Variants in PRCP observed in about 807,000 individuals in gnomAD.
PRCP encodes lysosomal Pro-X carboxypeptidase.
In PRCP, 46 loss-of-function variants were observed where a neutral mutation model predicts 54.2. The ratio of observed to expected loss-of-function variants is 0.85; its 90% CI spans 0.67 to 1.09. The LOEUF is 1.09. Among genes scored for constraint, PRCP ranks in the 50% least tolerant of loss-of-function variants. The pLI is 0.00. For missense variants in PRCP, 613 were observed against 596.8 expected, an observed-to-expected ratio of 1.03 and a Z score of -0.28; for synonymous variants, 240 against 212.2, an observed-to-expected ratio of 1.13 and a Z score of -1.14.
chr11:82,875,482 A>G lies in PRCP; in HGVS notation c.169-15365T>C, dbSNP rs144556704. ...AATTACTCAGTTAAAATCCAACTCAACCTTGAAAGGTAGAAAAGCTGTAAA... is the reference window on the plus strand; with the variant it reads ...AATTACTCAGTTAAAATCCAACTCAGCCTTGAAAGGTAGAAAAGCTGTAAA... On this transcript the variant is annotated intron_variant, in intron 1 of 8. Transcript: ENST00000313010. 8.5e-3 allele frequency among the ~76,000 whole-genome samples: 1,291 copies of G among 152,258 alleles called. 18 individuals are homozygous for G. Among genetic ancestry groups the G allele is most frequent in the African/African-American group, 0.03 (1,237 of 41,536 alleles).
chr11:82,849,241 G>A (rs779776641), intron 5 of PRCP, 23 bp from the exon 6 acceptor site: 1 of 1,610,812 alleles, frequency 6.2e-7, no homozygotes, highest in Non-Finnish European at 8.5e-7. Flanking sequence ...TCACACTGTT[G>A]GAATCTAAAA....
chr11:82,830,654 A>AAAAAAAAAAAAAAAC (rs1358047460), intron 8 of PRCP: 3 of 150,192 alleles, frequency 2.0e-5, no homozygotes, highest in Non-Finnish European at 1.5e-5. Context: ...AAAAAAAAAA[A>AAAAAAAAAAAAAAAC]ACTACACTCC....
chr11:82,844,524 A>G (rs1352619997), intron 6 of PRCP, among the ~76,000 whole-genome samples: 1 of 151,936 alleles, frequency 6.6e-6, no homozygotes, highest in Non-Finnish European at 1.5e-5. Context: ...ATCACCTGAG[A>G]TCAGGAGTTC....
intron 1 of PRCP, among the ~76,000 whole-genome samples, chr11:82,869,374 G>A (rs1859424332): frequency 4.4e-5 from 6 of 135,130 alleles, no homozygotes; most frequent in Admixed American, 7.5e-5. Context: ...AAAAAAAGAA[G>A]AAGAAAAGAA....
chr11:82,860,006 C>T lies in PRCP; in HGVS notation c.280G>A (p.Gly94Arg), dbSNP rs1333123849. 6.3e-7 allele frequency: 1 copy of T among 1,589,586 alleles called. No homozygotes were observed. Among genetic ancestry groups the T allele is most frequent in the Admixed American group, 1.8e-5 (1 of 55,568 alleles). ...GSILFYTGNEGDIIWFCNNTG... is the reference protein window; with the variant it reads ...GSILFYTGNERDIIWFCNNTG... ...TTATTACAAAACCAGATAATGTCCCCTTCATTACCAGTGTAGAAAAGTATT... is the reference window on the plus strand; with the variant it reads ...TTATTACAAAACCAGATAATGTCCCTTTCATTACCAGTGTAGAAAAGTATT... Residue 94 changes from glycine to arginine, a missense_variant, in exon 2 of 9, where the codon GGG becomes AGG. Gly to Arg is a moderately radical substitution (Grantham distance 125, BLOSUM62 -2). Coordinates refer to ENST00000313010, the MANE Select transcript of PRCP (RefSeq NM_005040.4).
intron 1 of PRCP, among the ~76,000 whole-genome samples, chr11:82,864,912 C>A (rs985815759): frequency 6.6e-6 from 1 of 152,048 alleles, no homozygotes; most frequent in African/African-American, 2.4e-5. Flanking sequence ...AAGTTCGCAT[C>A]CAGAAAAATC....
chr11:82,881,463 C>A (rs1435030721), intron 1 of PRCP, among the ~76,000 whole-genome samples: 1 of 152,058 alleles, frequency 6.6e-6, no homozygotes, highest in African/African-American at 2.4e-5. Context: ...TAGGACAGCC[C>A]CCGCTGGGCT....
chr11:82,869,759 A>G (rs1799027677), intron 1 of PRCP, among the ~76,000 whole-genome samples: 1 of 152,240 alleles, frequency 6.6e-6, no homozygotes, highest in South Asian at 2.1e-4. Context: ...AGTTCCCAAG[A>G]AGGTCAAGTT....
intron 1 of PRCP, among the ~76,000 whole-genome samples, chr11:82,894,816 A>G (rs1309885518): frequency 6.6e-6 from 1 of 152,232 alleles, no homozygotes; most frequent in South Asian, 2.1e-4. Context: ...TATTGTTATC[A>G]AGAGAAGAAG....
chr11:82,826,023 T>C (rs948799291), intron 8 of PRCP: 2 of 152,152 alleles, frequency 1.3e-5, no homozygotes, highest in Non-Finnish European at 2.9e-5. Context: ...AATTCGATGG[T>C]TTTTAGTATA....
Position 82,887,023 on chromosome 11 carries a change from CA to C in PRCP, c.168+13211del, listed in dbSNP as rs1353854393. On this transcript the variant is annotated intron_variant, in intron 1 of 8. Coordinates refer to ENST00000313010, the MANE Select transcript of PRCP (RefSeq NM_005040.4). ...CCAAGGTCATCATCTTTGACCCTCC[CA>C]TCTCAGTCTTACTGACCTCTTTTCA... Among the ~76,000 whole-genome samples the C allele has an allele frequency of 7.9e-5, 12 of 152,190 alleles. 1 individual carries two copies. Among genetic ancestry groups the C allele is most frequent in the African/African-American group, 2.9e-4 (12 of 41,434 alleles).
chr11:82,832,555 G>A (rs1858414338), intron 8 of PRCP, among the ~76,000 whole-genome samples: 1 of 152,084 alleles, frequency 6.6e-6, no homozygotes, highest in Admixed American at 6.6e-5. Flanking sequence ...GGGGTTATTT[G>A]TTTTTCTCTT....
At position 82,862,318 on chromosome 11, in the gene PRCP, T is replaced by C. The variant is rs1425206997; in HGVS notation, c.169-2201A>G. On this transcript the variant is annotated intron_variant, in intron 1 of 8. Coordinates refer to ENST00000313010, the MANE Select transcript of PRCP (RefSeq NM_005040.4). ...AATGTAATTATCAAATACTATAACA[T>C]GGTAAGATTCATGTACAACAATCTG... Among the ~76,000 whole-genome samples the C allele has an allele frequency of 2.6e-5, 4 of 152,212 alleles. No individual in the cohort carries two copies. The East Asian group carries it at 7.7e-4, about 29-fold the overall frequency.
chr11:82,895,388 C>G (rs1211534764), intron 1 of PRCP, among the ~76,000 whole-genome samples: 1 of 152,106 alleles, frequency 6.6e-6, no homozygotes, highest in African/African-American at 2.4e-5. Flanking sequence ...AACCTGGTCT[C>G]TAGCTCCTGC....
intron 1 of PRCP, among the ~76,000 whole-genome samples, chr11:82,875,756 G>C (rs1172698463): frequency 6.6e-6 from 1 of 152,156 alleles, no homozygotes; most frequent in African/African-American, 2.4e-5. Context: ...TGGCAGCAAA[G>C]AGGAGGCACA....
intron 1 of PRCP, among the ~76,000 whole-genome samples, chr11:82,873,603 A>G (rs749434770): frequency 3.9e-5 from 6 of 152,236 alleles, no homozygotes; most frequent in Admixed American, 6.5e-5. Flanking sequence ...AGCAGCCACA[A>G]TCTTCACTGG....
chr11:82,896,824 C>T (rs74554591), intron 1 of PRCP, among the ~76,000 whole-genome samples: 2,068 of 152,198 alleles, frequency 0.014, 37 homozygotes, highest in East Asian at 0.079. Context: ...TACTAAGCCT[C>T]CACAATTGCA....
At chr11:82,855,400 C>A (rs527780385) in intron 2 of PRCP, among the ~76,000 whole-genome samples, 1 of 152,254 alleles carries the variant, frequency 6.6e-6, no homozygotes, top group African/African-American at 2.4e-5. Context: ...GGGCGGATCA[C>A]AAGGTCAGGA....
intron 1 of PRCP, among the ~76,000 whole-genome samples, chr11:82,863,870 AGGAACCCT>A (rs1230027278): frequency 3.9e-5 from 6 of 152,208 alleles, no homozygotes; most frequent in Admixed American, 3.3e-4. Context: ...GAAAAGAGAG[AGGAACCCT>A]GGCAAGAAAG....
Sources: gnomAD v4.1 joint callset for allele counts (sites outside exome capture counted in the v4.1 genomes callset) on GRCh38, gnomAD v4.1.1 for gene constraint, MANE v1.5 for transcripts, NCBI Gene and HGNC (gene_info 2026-07-23, HGNC 2026-07-21) for gene names.